RNF185: variants seen among roughly 807,000 people sequenced by gnomAD.
The protein encoded by RNF185 is E3 ubiquitin-protein ligase RNF185.
RNF185 carries 13 observed loss-of-function variants against 24.9 expected under a neutral mutation model. The ratio of observed to expected loss-of-function variants is 0.52; its 90% CI spans 0.34 to 0.83. The LOEUF is 0.83. Ranked by LOEUF, RNF185 falls within the 40% of genes least tolerant of loss-of-function variation. The pLI is 0.01. For missense variants in RNF185, 184 were observed against 244.7 expected, an observed-to-expected ratio of 0.75 and a Z score of 1.65; for synonymous variants, 79 against 90.3, an observed-to-expected ratio of 0.88 and a Z score of 0.71.
At chr22:31,193,928 T>A (rs2048179302) in intron 3 of RNF185, among the ~76,000 whole-genome samples, 1 of 151,594 alleles carries the variant, frequency 6.6e-6, no homozygotes, top group Non-Finnish European at 1.5e-5. Context: ...AGTCTCATTC[T>A]GTCGCCCAGG....
chr22:31,192,676 T>G lies in RNF185; in HGVS notation c.177-8T>G. 6.2e-7 allele frequency: 1 copy of G among 1,613,850 alleles called. No individual in the cohort carries two copies. The highest frequency in any genetic ancestry group is 8.5e-7 in the Non-Finnish European group (1 of 1,179,700). The stretch of plus-strand genomic sequence containing the variant: ...CTTGATGACTGGTTGCCCTGGGGAC[T>G]CTGGCAGTTGGCCGTGTTTACATCA... On this transcript the variant is annotated splice_polypyrimidine_tract_variant and splice_region_variant and intron_variant, in intron 2 of 6. Coordinates refer to ENST00000326132, the MANE Select transcript of RNF185 (RefSeq NM_152267.4).
chr22:31,178,933 G>C lies in RNF185; in HGVS notation c.-48-8114G>C, dbSNP rs1215088256. On this transcript the variant is annotated intron_variant, in intron 1 of 6. Transcript: ENST00000326132. ...AAGAATGAAGAGAGTGCTGAATATT[G>C]TGTTAGGAAGTCTGAATTTGGCATT... Among the ~76,000 whole-genome samples, 5 of 152,322 alleles carry C rather than the reference G, an allele frequency of 3.3e-5. No individual in the cohort carries two copies. In the East Asian group the frequency reaches 9.6e-4, roughly 29 times the overall value.
chr22:31,185,034 T>G (rs2048085462), intron 1 of RNF185, among the ~76,000 whole-genome samples: 1 of 151,716 alleles, frequency 6.6e-6, no homozygotes, highest in South Asian at 2.1e-4. Flanking sequence ...TAGGATTGAT[T>G]GTTGAGCTGG....
chr22:31,192,659 C>T (rs763686233), intron 2 of RNF185, 25 bp from the exon 3 acceptor site: 6 of 1,611,284 alleles, frequency 3.7e-6, no homozygotes, highest in Admixed American at 1.7e-5. Context: ...TCCTTGATGA[C>T]TGGTTGCCCT....
chr22:31,191,683 T>G (rs2048156735), intron 2 of RNF185, among the ~76,000 whole-genome samples: 1 of 151,938 alleles, frequency 6.6e-6, no homozygotes, highest in Admixed American at 6.6e-5. Flanking sequence ...ATACAAAAAA[T>G]TAGCTGGGCG....
At position 31,192,691 on chromosome 22, in the gene RNF185, T is replaced by A; in HGVS notation, c.184T>A (p.Cys62Ser). The A allele has an allele frequency of 6.2e-7, 1 of 1,613,964 alleles. No homozygotes were observed. Among genetic ancestry groups the A allele is most frequent in the Non-Finnish European group, 8.5e-7 (1 of 1,179,830 alleles). ...CCCTGGGGACTCTGGCAGTTGGCCG[T>A]GTTTACATCAGGTAAGATGCATTTC... ...SLCGHLFCWP[C>S]LHQWLETRPN... Residue 62 changes from cysteine to serine, a missense_variant, in exon 3 of 7, where the codon TGT (cysteine) becomes AGT (serine). Cys to Ser is a moderately radical substitution (Grantham distance 112, BLOSUM62 -1). Coordinates refer to ENST00000326132, the MANE Select transcript of RNF185 (RefSeq NM_152267.4).
At chr22:31,163,731 T>G (rs1001837880) in intron 1 of RNF185, among the ~76,000 whole-genome samples, 5 of 151,488 alleles carry the variant, frequency 3.3e-5, no homozygotes, top group African/African-American at 1.2e-4. Flanking sequence ...TGGAGTGCAG[T>G]GGCGCAATCT....
At chr22:31,184,995 T>A (rs556738078) in intron 1 of RNF185, among the ~76,000 whole-genome samples, 41 of 149,898 alleles carry the variant, frequency 2.7e-4, no homozygotes, top group South Asian at 2.3e-3. Flanking sequence ...TTTTTTTTTT[T>A]AAAAAGAAAC....
chr22:31,174,101 T>G (rs1450107537), intron 1 of RNF185, among the ~76,000 whole-genome samples: 1 of 152,244 alleles, frequency 6.6e-6, no homozygotes, highest in East Asian at 1.9e-4. Context: ...AGTCCCGTAC[T>G]GTTTTATCTC....
chr22:31,174,685 T>G (rs759274069), intron 1 of RNF185, among the ~76,000 whole-genome samples: 6 of 152,118 alleles, frequency 3.9e-5, no homozygotes, highest in Admixed American at 1.3e-4. Flanking sequence ...TCCTCCATTT[T>G]GTCCTTTTTT....
chr22:31,166,625 T>C (rs12169222), intron 1 of RNF185, among the ~76,000 whole-genome samples: 208 of 143,754 alleles, frequency 1.4e-3, no homozygotes, highest in Middle Eastern at 0.01. Context: ...TCCTCCTCCT[T>C]CTTCTTCTTC....
chr22:31,173,231 A>G (rs1051342595), intron 1 of RNF185, among the ~76,000 whole-genome samples: 1 of 121,690 alleles, frequency 8.2e-6, no homozygotes, highest in African/African-American at 3.6e-5. Flanking sequence ...TCATTTGTGT[A>G]AGAGTTTTGG....
chr22:31,191,406 A>C (rs959208919), intron 2 of RNF185, among the ~76,000 whole-genome samples: 114 of 152,250 alleles, frequency 7.5e-4, no homozygotes, highest in African/African-American at 2.7e-3. Flanking sequence ...CTATCCTTTG[A>C]GTTCAAAGTG....
intron 1 of RNF185, among the ~76,000 whole-genome samples, chr22:31,179,807 T>TG (rs142036248): frequency 0.024 from 3,623 of 152,314 alleles, 58 homozygotes; most frequent in South Asian, 0.037. Flanking sequence ...TGCACAGCTT[T>TG]GTTGGGTCCA....
intron 3 of RNF185, among the ~76,000 whole-genome samples, chr22:31,195,213 A>G (rs2147957270): frequency 6.6e-6 from 1 of 152,302 alleles, no homozygotes; most frequent in East Asian, 1.9e-4. Flanking sequence ...TCCGCCTCCC[A>G]AAGCGCTGGG....
At chr22:31,196,335 A>T (rs554497169) in intron 4 of RNF185, among the ~76,000 whole-genome samples, 1 of 152,228 alleles carries the variant, frequency 6.6e-6, no homozygotes, top group Non-Finnish European at 1.5e-5. Flanking sequence ...GACTGGCTTT[A>T]TCCCCCTTGA....
intron 1 of RNF185, 82 bp downstream of exon 1, chr22:31,160,385 A>C (rs1180252850): frequency 1.3e-5 from 2 of 152,336 alleles, no homozygotes; most frequent in Non-Finnish European, 2.9e-5. Context: ...TTCCCAGGAC[A>C]CACGGGCTTG....
At chr22:31,200,311 T>G (rs914837828) in intron 5 of RNF185, among the ~76,000 whole-genome samples, 2 of 152,132 alleles carry the variant, frequency 1.3e-5, no homozygotes, top group Non-Finnish European at 2.9e-5. Context: ...GAGCCATGAT[T>G]GCACCATTGC....
At chr22:31,161,764 T>C (rs187517117) in intron 1 of RNF185, among the ~76,000 whole-genome samples, 1 of 152,132 alleles carries the variant, frequency 6.6e-6, no homozygotes, top group African/African-American at 2.4e-5. Context: ...CAGCAATATG[T>C]GTATAGATGT....
Sources: gnomAD v4.1 joint callset for allele counts (sites outside exome capture counted in the v4.1 genomes callset) on GRCh38, gnomAD v4.1.1 for gene constraint, MANE v1.5 for transcripts, NCBI Gene and HGNC (gene_info 2026-07-23, HGNC 2026-07-21) for gene names.